KCNMA1: variants seen among roughly 807,000 people sequenced by gnomAD.
The protein encoded by KCNMA1 is Calcium-activated potassium channel subunit alpha-1.
A neutral mutation model predicts 140.0 loss-of-function variants in KCNMA1; 29 were observed. That is an observed-to-expected ratio of 0.21 (90% CI 0.15 to 0.28). The LOEUF is 0.28. KCNMA1 is among the 10% of genes least tolerant of loss of function. The pLI, the probability that KCNMA1 is intolerant of heterozygous loss-of-function variation, is 1.00. For missense variants in KCNMA1, 880 were observed against 1,602.2 expected (o/e 0.55, Z 7.70); for synonymous variants, 612 against 611.9 (o/e 1.00, Z 0.00).
intron 2 of KCNMA1, among the ~76,000 whole-genome samples, chr10:77,336,174 T>C (rs938027681): frequency 1.3e-5 from 2 of 152,128 alleles, no homozygotes; most frequent in Non-Finnish European, 2.9e-5. Context: ...AAAGGACACA[T>C]GCAGGGGAGG....
intron 3 of KCNMA1, among the ~76,000 whole-genome samples, chr10:77,217,799 T>G (rs1354563399): frequency 5.9e-5 from 9 of 152,186 alleles, no homozygotes; most frequent in Admixed American, 5.2e-4. Context: ...GTGCTGAGAA[T>G]AGTTGATTCT....
At chr10:77,325,410 G>A (rs868286813) in intron 2 of KCNMA1, among the ~76,000 whole-genome samples, 15 of 152,178 alleles carry the variant, frequency 9.9e-5, no homozygotes, top group Admixed American at 2.6e-4. Context: ...TGCATGGAGT[G>A]ATATCCTGGG....
At chr10:77,422,336 C>T (rs1056787131) in intron 1 of KCNMA1, among the ~76,000 whole-genome samples, 12 of 152,306 alleles carry the variant, frequency 7.9e-5, no homozygotes, top group Admixed American at 6.5e-4. Flanking sequence ...ATTTACATGC[C>T]TTACATGTTT....
At chr10:77,628,744 T>A (rs189336755) in intron 1 of KCNMA1, among the ~76,000 whole-genome samples, 84 of 145,706 alleles carry the variant, frequency 5.8e-4, no homozygotes, top group South Asian at 2.6e-3. Context: ...GAGATCTACA[T>A]AATGTTTACC....
chr10:77,532,323 G>A (rs966389919), intron 1 of KCNMA1, among the ~76,000 whole-genome samples: 2 of 152,170 alleles, frequency 1.3e-5, no homozygotes, highest in African/African-American at 4.8e-5. Flanking sequence ...TCCCAATGAT[G>A]TGCGCAAAAG....
At chr10:77,203,395 G>A (rs1278631640) in intron 3 of KCNMA1, among the ~76,000 whole-genome samples, 3 of 152,060 alleles carry the variant, frequency 2.0e-5, no homozygotes, top group Admixed American at 2.0e-4. Flanking sequence ...ATCCACCTTT[G>A]AACACTCAAC....
intron 1 of KCNMA1, among the ~76,000 whole-genome samples, chr10:77,478,767 TACATA>T (rs1362327345): frequency 6.6e-6 from 1 of 152,196 alleles, no homozygotes; most frequent in Non-Finnish European, 1.5e-5. Context: ...TGAGGTAATG[TACATA>T]ACCCTGCAGA....
At chr10:77,391,988 G>A (rs1040522138) in intron 2 of KCNMA1, among the ~76,000 whole-genome samples, 3 of 151,236 alleles carry the variant, frequency 2.0e-5, no homozygotes, top group African/African-American at 7.3e-5. Context: ...GAAGGCCTTG[G>A]GGGAAAACCT....
At position 77,637,598 on chromosome 10, in the gene KCNMA1, G is replaced by A. The variant is rs1230874322; in HGVS notation, c.45C>T (p.Gly15=). The A allele has an allele frequency of 4.6e-6, 7 of 1,525,292 alleles. No homozygotes were observed. The highest frequency in any genetic ancestry group is 1.2e-5 in the South Asian group (1 of 82,780). The allele number at this position is 1,525,292 out of a possible 1,614,324, so 94.5% of individuals were successfully genotyped here. A position where few individuals can be genotyped will look rare whatever the true frequency, so the allele number is the denominator to read the frequency against. The change falls in exon 1 of 28, where the codon GGC becomes GGT. Residue 15 remains glycine, a synonymous_variant. Coordinates refer to ENST00000286628, the MANE Select transcript of KCNMA1 (RefSeq NM_001161352.2). ...GGGGGGSSGG[G]GGGGGSSLRM... The stretch of plus-strand genomic sequence containing the variant: ...TAAGACTGCTGCCTCCGCCGCCGCC[G>A]CCGCCGCCGCTGCTGCCGCCGCCGC...
Position 77,108,715 on chromosome 10 carries a change from A to G in KCNMA1, c.1132-143T>C. 1.5e-6 allele frequency: 1 copy of G among 687,500 alleles called. No homozygotes were observed. The highest frequency in any genetic ancestry group is 2.6e-6 in the Non-Finnish European group (1 of 390,594). The allele number at this position is 687,500 out of a possible 1,614,324, so 42.6% of individuals were successfully genotyped here. ...TATATATTGATATGTTGGATCATAA[A>G]AAACTAAAAGCACGAAGAGAGCAAG... On this transcript the variant is annotated intron_variant, in intron 8 of 27. Coordinates refer to ENST00000286628, the MANE Select transcript of KCNMA1 (RefSeq NM_001161352.2). This position sits in a 1 kb window ranked among gnomAD's most constrained non-coding sequence, Gnocchi z 4.6.
At chr10:77,589,525 AAC>A (rs574355738) in intron 1 of KCNMA1, among the ~76,000 whole-genome samples, 69 of 151,208 alleles carry the variant, frequency 4.6e-4, no homozygotes, top group Non-Finnish European at 8.0e-4. Flanking sequence ...TGGAAGGCTG[AAC>A]ACACACACAC....
At chr10:77,480,977 G>A (rs908538528) in intron 1 of KCNMA1, among the ~76,000 whole-genome samples, 9 of 151,558 alleles carry the variant, frequency 5.9e-5, no homozygotes, top group Admixed American at 3.3e-4. Context: ...AAAAATAGCC[G>A]GAGGTAGTGG....
intron 26 of KCNMA1, 33 bp from the exon 27 acceptor site, chr10:76,889,602 C>G (rs200686064): frequency 3.3e-6 from 5 of 1,499,956 alleles, no homozygotes; most frequent in Non-Finnish European, 4.6e-6. Context: ...AGAGAAACAT[C>G]CTTTTTATTT....
chr10:77,254,611 G>T (rs1174819480), intron 2 of KCNMA1, among the ~76,000 whole-genome samples: 1 of 152,110 alleles, frequency 6.6e-6, no homozygotes, highest in Non-Finnish European at 1.5e-5. Context: ...TACAGGTTTA[G>T]CCAATATAAA....
At chr10:77,453,364 T>TAAATAAATAAATAAATAAATAA (rs35883503) in intron 1 of KCNMA1, among the ~76,000 whole-genome samples, 1 of 145,012 alleles carries the variant, frequency 6.9e-6, no homozygotes, top group Non-Finnish European at 1.5e-5. Flanking sequence ...AATAAATAAA[T>TAAATAAATAAATAAATAAATAA]ATAAATAAAT....
At chr10:77,462,566 C>T (rs1026210922) in intron 1 of KCNMA1, among the ~76,000 whole-genome samples, 3 of 152,216 alleles carry the variant, frequency 2.0e-5, no homozygotes, top group African/African-American at 7.2e-5. Context: ...CACACACCCT[C>T]ACACATGCAC....
Position 77,496,596 on chromosome 10 carries a change from CAAAAAAAAAAAAA to C in KCNMA1, c.379-92586_379-92574del, listed in dbSNP as rs201304328. On this transcript the variant is annotated intron_variant, in intron 1 of 27. Transcript: ENST00000286628. ...TGGGTGACAGAGCGAGACACTGTCT[CAAAAAAAAAAAAA>C]AAAAAAAAAAAAAAGAGGACAGGTT... Among the ~76,000 whole-genome samples, 47 of 62,996 alleles carry C rather than the reference CAAAAAAAAAAAAA, an allele frequency of 7.5e-4. 4 individuals are homozygous for C. In the East Asian group the frequency reaches 0.021, roughly 28 times the overall value. 41.3% of individuals were successfully genotyped at this position (62,996 alleles called of 152,430 possible).
At chr10:77,109,124 G>A (rs1012003895) in intron 8 of KCNMA1, among the ~76,000 whole-genome samples, 4 of 151,784 alleles carry the variant, frequency 2.6e-5, no homozygotes, top group African/African-American at 9.7e-5. Context: ...GGAGAAGATA[G>A]CAAGGAGAAA....
chr10:77,109,669 A>G (rs1040377700), intron 8 of KCNMA1, among the ~76,000 whole-genome samples: 2 of 152,182 alleles, frequency 1.3e-5, no homozygotes, highest in Admixed American at 6.5e-5. Flanking sequence ...GACAAGACTA[A>G]GGTGCTCTCT....
Sources: allele counts gnomAD v4.1 joint callset (sites outside exome capture counted in the v4.1 genomes callset), GRCh38; gene constraint gnomAD v4.1.1; non-coding constraint Gnocchi (gnomAD v3.1); transcripts MANE v1.5; gene names NCBI Gene and HGNC (gene_info 2026-07-23, HGNC 2026-07-21).